Variants in PDS5B observed in about 807,000 individuals in gnomAD.
PDS5B encodes PDS5 cohesin associated factor B, also known as sister chromatid cohesion protein PDS5 homolog B.
A neutral mutation model predicts 184.1 loss-of-function variants in PDS5B; 51 were observed. The observed-to-expected ratio is 0.28, with a 90% CI of 0.22 to 0.35. The LOEUF is 0.35. Among genes scored for constraint, PDS5B ranks in the 10% least tolerant of loss-of-function variants. PDS5B has a pLI of 1.00. For missense variants in PDS5B, 1,180 were observed against 1,723.3 expected, an observed-to-expected ratio of 0.68 and a Z score of 5.58; for synonymous variants, 566 against 569.2, an observed-to-expected ratio of 0.99 and a Z score of 0.08.
intron 31 of PDS5B, among the ~76,000 whole-genome samples, chr13:32,765,919 A>G (rs932892833): frequency 6.6e-6 from 1 of 152,190 alleles, no homozygotes; most frequent in Non-Finnish European, 1.5e-5. Flanking sequence ...ATTATTCTAA[A>G]ATTTTATTGA....
intron 1 of PDS5B, among the ~76,000 whole-genome samples, chr13:32,634,015 C>G (rs916703038): frequency 6.6e-6 from 1 of 152,152 alleles, no homozygotes; most frequent in Non-Finnish European, 1.5e-5. Context: ...ATACTTCTCT[C>G]CTGTTTTCTG....
At chr13:32,760,533 G>A (rs771006007) in intron 29 of PDS5B, 42 bp from the exon 30 acceptor site, 5 of 1,591,444 alleles carry the variant, frequency 3.1e-6, no homozygotes, top group Non-Finnish European at 4.3e-6. Flanking sequence ...ACTTTCTTTT[G>A]GCTTTAACCA....
At chr13:32,732,619 A>G (rs187326140) in intron 20 of PDS5B, among the ~76,000 whole-genome samples, 1 of 152,258 alleles carries the variant, frequency 6.6e-6, no homozygotes. Flanking sequence ...GTAAATCAGT[A>G]CTAATTGTTA....
rs1046759166 is a variant in PDS5B at position 32,602,314 on chromosome 13, T to C, written c.-20+15721T>C. Among the ~76,000 whole-genome samples, 13 of 152,308 alleles carry C rather than the reference T, an allele frequency of 8.5e-5. 3 individuals carry two copies. The highest frequency in any genetic ancestry group is 7.2e-4 in the Admixed American group (11 of 15,294). ...ACCCTGTGTCCAAGTGTTCTCATTG[T>C]TCAATTCCCACCTATGAGTGAGAAC... On this transcript the variant is annotated intron_variant, in intron 1 of 34. Transcript: ENST00000315596.
intron 24 of PDS5B, among the ~76,000 whole-genome samples, chr13:32,753,072 T>A (rs527521679): frequency 6.6e-6 from 1 of 152,214 alleles, no homozygotes; most frequent in Non-Finnish European, 1.5e-5. Context: ...TAGGGCAGAT[T>A]TATATTTACT....
At chr13:32,725,052 G>GTAGT (rs1952850723) in intron 19 of PDS5B, among the ~76,000 whole-genome samples, 1 of 152,154 alleles carries the variant, frequency 6.6e-6, no homozygotes, top group Admixed American at 6.5e-5. Flanking sequence ...GTTGATATTA[G>GTAGT]TAGTCAGTCT....
Position 32,771,438 on chromosome 13 carries a change from A to G in PDS5B, c.4172+677A>G, listed in dbSNP as rs1276106880. 7.9e-5 allele frequency among the ~76,000 whole-genome samples: 12 copies of G among 152,266 alleles called. No homozygotes were observed. In the East Asian group the frequency reaches 1.9e-3, roughly 25 times the overall value. On this transcript the variant is annotated intron_variant, in intron 33 of 34. Transcript: ENST00000315596. ...CTGACAGTGTTTTTTCTCCTTAGTT[A>G]TGTGAGTGGAAATAGAGTAGCATGT...
At chr13:32,667,396 T>A (rs1950828243) in intron 6 of PDS5B, among the ~76,000 whole-genome samples, 1 of 152,168 alleles carries the variant, frequency 6.6e-6, no homozygotes, top group Non-Finnish European at 1.5e-5. Flanking sequence ...CATAGTTCAT[T>A]CTCTTAGGAT....
intron 1 of PDS5B, among the ~76,000 whole-genome samples, chr13:32,599,658 T>TA (rs2057941897): frequency 6.7e-6 from 1 of 150,360 alleles, no homozygotes; most frequent in Admixed American, 6.6e-5. Flanking sequence ...CTCATGCCTG[T>TA]AATCCCAGCA....
intron 1 of PDS5B, among the ~76,000 whole-genome samples, chr13:32,641,348 T>G (rs1414090348): frequency 6.6e-6 from 1 of 152,120 alleles, no homozygotes; most frequent in Non-Finnish European, 1.5e-5. Context: ...GCTTCCTCTT[T>G]TTTCTTTTCA....
At chr13:32,736,743 A>G (rs899087554) in intron 21 of PDS5B, among the ~76,000 whole-genome samples, 19 of 152,030 alleles carry the variant, frequency 1.2e-4, no homozygotes, top group African/African-American at 4.3e-4. Flanking sequence ...TTCTATTAAC[A>G]CACTTTAAAC....
intron 1 of PDS5B, among the ~76,000 whole-genome samples, chr13:32,647,114 T>C (rs1245516604): frequency 1.3e-5 from 2 of 152,220 alleles, no homozygotes; most frequent in Non-Finnish European, 1.5e-5. Context: ...GTATTTGGCC[T>C]CTGCTTCAAT....
chr13:32,741,499 T>A (rs1593575237), intron 22 of PDS5B, among the ~76,000 whole-genome samples: 1 of 152,162 alleles, frequency 6.6e-6, no homozygotes, highest in African/African-American at 2.4e-5. Context: ...TTTTTATTTT[T>A]AAAAAATTCA....
chr13:32,697,541 A>G (rs184533319), intron 15 of PDS5B, among the ~76,000 whole-genome samples: 17 of 152,344 alleles, frequency 1.1e-4, no homozygotes, highest in Admixed American at 1.0e-3. Flanking sequence ...ATGTTAAGAC[A>G]CTGAAGATAA....
chr13:32,602,260 A>G (rs1289330341), intron 1 of PDS5B, among the ~76,000 whole-genome samples: 1 of 151,580 alleles, frequency 6.6e-6, no homozygotes, highest in Non-Finnish European at 1.5e-5. Flanking sequence ...CCCTCACCCC[A>G]CTACAGGCCC....
At chr13:32,733,125 T>A (rs924209337) in intron 20 of PDS5B, among the ~76,000 whole-genome samples, 8 of 152,212 alleles carry the variant, frequency 5.3e-5, no homozygotes, top group Non-Finnish European at 1.0e-4. Flanking sequence ...AATAAATTGA[T>A]GTTAATTTAT....
At position 32,710,170 on chromosome 13, in the gene PDS5B, G is replaced by T. The variant is rs1952160039; in HGVS notation, c.2123+64G>T. The stretch of plus-strand genomic sequence containing the variant: ...GAAACATAATTATTTCTTGATTTAT[G>T]CAATAATTGGGAATCTTTCAAGTTT... On this transcript the variant is annotated intron_variant, in intron 19 of 34. Transcript: ENST00000315596. The T allele has an allele frequency of 2.6e-6, 3 of 1,133,368 alleles. No individual in the cohort carries two copies. In the African/African-American group the frequency reaches 4.7e-5, roughly 18 times the overall value. The allele number at this position is 1,133,368 out of a possible 1,614,324, so 70.2% of individuals were successfully genotyped here.
At chr13:32,744,207 G>A (rs1277136104) in intron 23 of PDS5B, among the ~76,000 whole-genome samples, 2 of 152,084 alleles carry the variant, frequency 1.3e-5, no homozygotes, top group Non-Finnish European at 2.9e-5. Context: ...GATAACAATA[G>A]TATCTCCTTA....
chr13:32,598,767 TCTC>T (rs1177348646), intron 1 of PDS5B, among the ~76,000 whole-genome samples: 1 of 137,584 alleles, frequency 7.3e-6, no homozygotes, highest in Non-Finnish European at 1.6e-5. Flanking sequence ...GTTTTTTTTC[TCTC>T]TTTTTTTTTT....
Sources: gnomAD v4.1 joint callset for allele counts (sites outside exome capture counted in the v4.1 genomes callset) on GRCh38, gnomAD v4.1.1 for gene constraint, MANE v1.5 for transcripts, NCBI Gene and HGNC (gene_info 2026-07-23, HGNC 2026-07-21) for gene names.